CHODL: variants seen among roughly 807,000 people sequenced by gnomAD.
The protein encoded by CHODL is transmembrane protein MT75.
A neutral mutation model predicts 34.5 loss-of-function variants in CHODL; 29 were observed. That is an observed-to-expected ratio of 0.84 (90% CI 0.63 to 1.15). The LOEUF (loss-of-function observed/expected upper bound fraction) is 1.15. Ranked by LOEUF, CHODL falls within the 50% of genes most tolerant of loss-of-function variation. The pLI is 0.00. For synonymous variants in CHODL, 125 were observed against 116.1 expected, an observed-to-expected ratio of 1.08 and a Z score of -0.49; for missense variants, 332 against 332.5, an observed-to-expected ratio of 1.00 and a Z score of 0.01.
intron 2 of CHODL, among the ~76,000 whole-genome samples, chr21:18,121,068 C>G (rs752295036): frequency 1.3e-5 from 2 of 152,046 alleles, no homozygotes; most frequent in Admixed American, 1.3e-4. Context: ...TTTCTGTGTT[C>G]TCTGGTGATT....
chr21:17,951,945 TAAG>T (rs1249357909), intron 1 of CHODL, among the ~76,000 whole-genome samples: 11 of 151,970 alleles, frequency 7.2e-5, no homozygotes, highest in African/African-American at 2.7e-4. Flanking sequence ...TTAAAAATTT[TAAG>T]AAAGGCCAGG....
intron 1 of CHODL, among the ~76,000 whole-genome samples, chr21:17,928,107 G>T (rs1056302086): frequency 2.0e-5 from 3 of 152,158 alleles, no homozygotes; most frequent in African/African-American, 7.2e-5. Flanking sequence ...GAATTTAAGG[G>T]TTGTTCTCAT....
intron 2 of CHODL, among the ~76,000 whole-genome samples, chr21:18,207,888 G>T (rs1368394328): frequency 1.3e-5 from 2 of 151,482 alleles, no homozygotes; most frequent in East Asian, 3.9e-4. Flanking sequence ...ATTCTTTCTT[G>T]ATCTTTAACT....
intron 2 of CHODL, among the ~76,000 whole-genome samples, chr21:18,071,519 T>C (rs1568870863): frequency 6.6e-6 from 1 of 152,062 alleles, no homozygotes; most frequent in East Asian, 1.9e-4. Context: ...TGATTCCCTA[T>C]GTGATTTTTC....
chr21:18,215,903 T>C (rs2073823256), intron 2 of CHODL, among the ~76,000 whole-genome samples: 1 of 152,192 alleles, frequency 6.6e-6, no homozygotes, highest in Non-Finnish European at 1.5e-5. Flanking sequence ...GACATTTTTA[T>C]CTGGGTGAAA....
Position 18,257,676 on chromosome 21 carries a change from A to G in CHODL, c.547+549A>G, listed in dbSNP as rs116856675. 5.1e-4 allele frequency among the ~76,000 whole-genome samples: 77 copies of G among 152,298 alleles called. 2 individuals are homozygous for G. The highest frequency in any genetic ancestry group is 7.4e-4 in the Non-Finnish European group (50 of 68,022). ...TAGGAAGATGTGACTCGTTCTCCCT[A>G]TGATTCCTATTCTTGAAATATGTCT... On this transcript the variant is annotated intron_variant, in intron 3 of 5. Transcript: ENST00000299295.
At chr21:18,257,205 C>T in intron 3 of CHODL, 78 bp downstream of exon 3, 1 of 1,321,186 alleles carries the variant, frequency 7.6e-7, no homozygotes, top group Non-Finnish European at 1.0e-6. Flanking sequence ...ATTTTGACTA[C>T]CTGTGGCTCT....
intron 1 of CHODL, among the ~76,000 whole-genome samples, chr21:18,246,237 A>G (rs946847643): frequency 6.6e-6 from 1 of 152,176 alleles, no homozygotes; most frequent in Non-Finnish European, 1.5e-5. Flanking sequence ...TGCTCATTGA[A>G]ACATTGCAAT....
chr21:18,241,701 G>A (rs2074083936), upstream of CHODL, among the ~76,000 whole-genome samples: 2 of 152,170 alleles, frequency 1.3e-5, no homozygotes, highest in South Asian at 4.1e-4. Flanking sequence ...ACATTTGAAA[G>A]TGAATGGTGA....
At chr21:18,209,597 C>G (rs1014727117) in intron 2 of CHODL, among the ~76,000 whole-genome samples, 1 of 152,144 alleles carries the variant, frequency 6.6e-6, no homozygotes. Context: ...CTGAAGGACA[C>G]TCTCCACATA....
intron 1 of CHODL, among the ~76,000 whole-genome samples, chr21:17,970,370 G>A (rs575397048): frequency 1.8e-4 from 27 of 152,270 alleles, no homozygotes; most frequent in Admixed American, 6.5e-5. Context: ...AAAGAAAGGA[G>A]TGTTATATCT....
At chr21:18,049,358 TA>T (rs2064484858) in intron 2 of CHODL, among the ~76,000 whole-genome samples, 2 of 152,028 alleles carry the variant, frequency 1.3e-5, no homozygotes, top group South Asian at 4.1e-4. Flanking sequence ...CCAGATTAAC[TA>T]TATAATGAAC....
At chr21:17,949,919 A>ATCTC (rs1232859496) in intron 1 of CHODL, among the ~76,000 whole-genome samples, 1 of 152,192 alleles carries the variant, frequency 6.6e-6, no homozygotes, top group Non-Finnish European at 1.5e-5. Context: ...TGGATTGAGG[A>ATCTC]ACATCTGCAA....
At chr21:18,044,134 T>C (rs941268678) in intron 2 of CHODL, among the ~76,000 whole-genome samples, 20 of 151,998 alleles carry the variant, frequency 1.3e-4, no homozygotes, top group African/African-American at 4.8e-4. Flanking sequence ...AAAGTATTGG[T>C]AAAATGTGCA....
intron 2 of CHODL, among the ~76,000 whole-genome samples, chr21:18,162,741 T>G (rs146833094): frequency 0.01 from 1,564 of 152,324 alleles, 25 homozygotes; most frequent in African/African-American, 0.036. Flanking sequence ...TGTCATCTTC[T>G]TTGATTTGCT....
intron 2 of CHODL, among the ~76,000 whole-genome samples, chr21:18,126,441 C>T (rs1568899301): frequency 6.6e-6 from 1 of 152,196 alleles, no homozygotes. Context: ...GCTATATTCA[C>T]TTTATTACGG....
Position 18,245,043 on chromosome 21 carries a change from G to A in CHODL, c.-181G>A, listed in dbSNP as rs73318224. 0.018 allele frequency: 8,759 copies of A among 499,824 alleles called. 640 individuals carry two copies. Among genetic ancestry groups the A allele is most frequent in the African/African-American group, 0.16 (7,763 of 49,032 alleles). 31.0% of individuals were successfully genotyped at this position (499,824 alleles called of 1,614,324 possible). Reference sequence around the variant, plus strand: ...CCGCACATCCACGCGCGGCACAGGCGCGGCAGGCGGCAGGTCCCGGCCGAA... The same window carrying A: ...CCGCACATCCACGCGCGGCACAGGCACGGCAGGCGGCAGGTCCCGGCCGAA... On this transcript the variant is annotated 5_prime_UTR_variant, in exon 1 of 6. Transcript: ENST00000299295.
intron 2 of CHODL, among the ~76,000 whole-genome samples, chr21:18,209,272 A>C (rs1020899208): frequency 1.3e-5 from 2 of 152,088 alleles, no homozygotes; most frequent in African/African-American, 4.8e-5. Flanking sequence ...TCCCTTTTCT[A>C]CAAGGAGGGG....
At chr21:17,982,924 C>A (rs2063725861) in intron 1 of CHODL, among the ~76,000 whole-genome samples, 1 of 151,922 alleles carries the variant, frequency 6.6e-6, no homozygotes, top group Non-Finnish European at 1.5e-5. Context: ...GGGGTTTCAC[C>A]ATGTTGGCCA....
Sources: gnomAD v4.1 joint callset for allele counts (sites outside exome capture counted in the v4.1 genomes callset) on GRCh38, gnomAD v4.1.1 for gene constraint, MANE v1.5 for transcripts, NCBI Gene and HGNC (gene_info 2026-07-23, HGNC 2026-07-21) for gene names.